FSTL5: variants seen among roughly 807,000 people sequenced by gnomAD.
FSTL5 encodes follistatin-related protein 5.
In FSTL5, 62 loss-of-function variants were observed where a neutral mutation model predicts 89.1. That is an observed-to-expected ratio of 0.70 (90% CI 0.57 to 0.86). The LOEUF (loss-of-function observed/expected upper bound fraction) is 0.86. Among genes scored for constraint, FSTL5 ranks in the 40% least tolerant of loss-of-function variants. The pLI is 0.00. For missense variants in FSTL5, 1,057 were observed against 1,001.6 expected, an observed-to-expected ratio of 1.06 and a Z score of -0.75; for synonymous variants, 383 against 346.2, an observed-to-expected ratio of 1.11 and a Z score of -1.18.
intron 8 of FSTL5, among the ~76,000 whole-genome samples, chr4:161,567,447 A>T (rs941354698): frequency 6.6e-6 from 1 of 152,134 alleles, no homozygotes; most frequent in Non-Finnish European, 1.5e-5. Flanking sequence ...TTGTTATACA[A>T]GTGTCATTAC....
intron 3 of FSTL5, among the ~76,000 whole-genome samples, chr4:161,951,390 C>A (rs1408256593): frequency 6.6e-6 from 1 of 152,104 alleles, no homozygotes; most frequent in East Asian, 1.9e-4. Context: ...TAAAAGCAGT[C>A]AGAAATCTCT....
chr4:161,788,956 A>G (rs1165405472), intron 4 of FSTL5, among the ~76,000 whole-genome samples: 5 of 152,174 alleles, frequency 3.3e-5, no homozygotes, highest in Admixed American at 1.3e-4. Flanking sequence ...AAAGTTTCTG[A>G]GGAAACAGAA....
At chr4:161,438,245 T>C (rs1732640426) in intron 15 of FSTL5, among the ~76,000 whole-genome samples, 1 of 147,268 alleles carries the variant, frequency 6.8e-6, no homozygotes, top group Non-Finnish European at 1.5e-5. Flanking sequence ...TTGAGCCATC[T>C]GAAGTGATTC....
chr4:161,955,875 G>A (rs1578890657), intron 3 of FSTL5, among the ~76,000 whole-genome samples: 1 of 151,820 alleles, frequency 6.6e-6, no homozygotes, highest in East Asian at 1.9e-4. Context: ...ATTTTTTCAA[G>A]GAGAGAGGTG....
chr4:161,926,371 A>G (rs957332358), intron 3 of FSTL5, among the ~76,000 whole-genome samples: 10 of 149,060 alleles, frequency 6.7e-5, no homozygotes, highest in African/African-American at 2.0e-4. Context: ...AAGCTTCTTC[A>G]TGTAATTCTG....
At position 161,995,804 on chromosome 4, in the gene FSTL5, C is replaced by T. The variant is rs536783641; in HGVS notation, c.160+37821G>A. Among the ~76,000 whole-genome samples the T allele has an allele frequency of 3.4e-4, 50 of 145,782 alleles. 1 individual carries two copies. In the East Asian group the frequency reaches 8.2e-3, roughly 24 times the overall value. On this transcript the variant is annotated intron_variant, in intron 3 of 15. Transcript: ENST00000306100. ...TTTTTAATGATTGGATTTATATTCT[C>T]TTCAGTGTCTAATGAAAACACACTG... is the stretch of plus-strand genomic sequence containing the variant.
chr4:161,936,459 C>G (rs1734436203), intron 3 of FSTL5, among the ~76,000 whole-genome samples: 1 of 152,030 alleles, frequency 6.6e-6, no homozygotes, highest in Non-Finnish European at 1.5e-5. Flanking sequence ...AGGAAACAAA[C>G]AAAATATTGG....
intron 2 of FSTL5, among the ~76,000 whole-genome samples, chr4:162,096,892 T>C (rs574948390): frequency 6.6e-6 from 1 of 152,084 alleles, no homozygotes; most frequent in African/African-American, 2.4e-5. Flanking sequence ...TGAATCTATA[T>C]TAACACTTGC....
chr4:161,850,497 C>T (rs769183425), intron 4 of FSTL5, among the ~76,000 whole-genome samples: 4 of 141,790 alleles, frequency 2.8e-5, no homozygotes, highest in Admixed American at 1.4e-4. Context: ...TGCAGGTGTG[C>T]GTATGCTGGG....
At chr4:161,880,005 T>C (rs1732575519) in intron 4 of FSTL5, among the ~76,000 whole-genome samples, 1 of 152,216 alleles carries the variant, frequency 6.6e-6, no homozygotes. Flanking sequence ...TTGTTAATCA[T>C]GTCAGTAGAC....
At chr4:161,732,596 T>C (rs1018107432) in intron 6 of FSTL5, among the ~76,000 whole-genome samples, 3 of 152,112 alleles carry the variant, frequency 2.0e-5, no homozygotes, top group African/African-American at 7.2e-5. Context: ...TTGTATTCTA[T>C]GCTTTCTTTG....
chr4:161,948,461 G>A lies in FSTL5; in HGVS notation c.161-27809C>T, dbSNP rs544823358. ...ATTTGCTACACTTTGAATTCTACAT[G>A]AACGGAATTTTTTTCTTTTCTTTCT... On this transcript the variant is annotated intron_variant, in intron 3 of 15. Transcript: ENST00000306100. Among the ~76,000 whole-genome samples the A allele has an allele frequency of 2.0e-3, 293 of 147,612 alleles. 1 individual carries two copies. The highest frequency in any genetic ancestry group is 6.9e-3 in the African/African-American group (277 of 40,278).
intron 7 of FSTL5, among the ~76,000 whole-genome samples, chr4:161,629,693 A>ATT (rs895008570): frequency 1.1e-4 from 16 of 152,142 alleles, no homozygotes; most frequent in African/African-American, 3.4e-4. Context: ...AGAAAATGGG[A>ATT]TTTTTTTCCC....
At chr4:161,790,389 A>G (rs1206506227) in intron 4 of FSTL5, among the ~76,000 whole-genome samples, 1 of 152,184 alleles carries the variant, frequency 6.6e-6, no homozygotes, top group Non-Finnish European at 1.5e-5. Flanking sequence ...CAGTGAATAC[A>G]AACCTACCCT....
intron 3 of FSTL5, among the ~76,000 whole-genome samples, chr4:161,969,539 C>T (rs997283940): frequency 6.6e-6 from 1 of 152,094 alleles, no homozygotes; most frequent in Admixed American, 6.6e-5. Context: ...ATCACATTTC[C>T]ACCTGTCTGG....
At chr4:162,131,835 C>T (rs1732312661) in intron 1 of FSTL5, among the ~76,000 whole-genome samples, 1 of 152,170 alleles carries the variant, frequency 6.6e-6, no homozygotes, top group Admixed American at 6.5e-5. Context: ...AGACCTTATA[C>T]CATATTTACA....
At chr4:162,034,750 A>T (rs937649753) in intron 2 of FSTL5, among the ~76,000 whole-genome samples, 15 of 152,190 alleles carry the variant, frequency 9.9e-5, no homozygotes, top group African/African-American at 3.6e-4. Context: ...ATTTTGGCAA[A>T]AGAGTAGGAA....
chr4:161,923,354 T>A (rs1170091500), intron 3 of FSTL5, among the ~76,000 whole-genome samples: 1 of 151,856 alleles, frequency 6.6e-6, no homozygotes, highest in East Asian at 1.9e-4. Context: ...ATTATTACTA[T>A]AAAATAAAGT....
intron 2 of FSTL5, among the ~76,000 whole-genome samples, chr4:162,051,770 G>A (rs1738385205): frequency 1.3e-5 from 2 of 151,292 alleles, no homozygotes; most frequent in African/African-American, 4.8e-5. Flanking sequence ...GAAATATTTA[G>A]ACTGAACCAA....
Sources: gnomAD v4.1 joint callset for allele counts (sites outside exome capture counted in the v4.1 genomes callset) on GRCh38, gnomAD v4.1.1 for gene constraint, MANE v1.5 for transcripts, NCBI Gene and HGNC (gene_info 2026-07-23, HGNC 2026-07-21) for gene names.